The following CLNK variants were observed in gnomAD, a reference collection of about 807,000 sequenced individuals.
CLNK encodes cytokine dependent hematopoietic cell linker.
A neutral mutation model predicts 68.6 loss-of-function variants in CLNK; 74 were observed. That is an observed-to-expected ratio of 1.08 (90% CI 0.89 to 1.31). CLNK has a LOEUF of 1.31. Ranked by LOEUF, CLNK falls within the 50% of genes most tolerant of loss-of-function variation. CLNK has a pLI of 0.00. For synonymous variants in CLNK, 198 were observed against 172.2 expected (o/e 1.15, Z -1.17); for missense variants, 553 against 515.3 (o/e 1.07, Z -0.71).
At chr4:10,650,838 TAAAC>T (rs1405308385) in intron 2 of CLNK, among the ~76,000 whole-genome samples, 2 of 151,428 alleles carry the variant, frequency 1.3e-5, no homozygotes, top group African/African-American at 2.4e-5. Flanking sequence ...ACAAGGAACT[TAAAC>T]AAATTTACAA....
rs183161949 is a variant in CLNK, at chr4:10,625,468, C to T, written c.12-27419G>A. On this transcript the variant is annotated intron_variant, in intron 2 of 18. Transcript: ENST00000226951. ...GTCCCCTTAGACCCAGTGAGATCAT[C>T]AATAGACTTTGGAAATAAAGAGTGC... Among the ~76,000 whole-genome samples the T allele has an allele frequency of 2.8e-3, 421 of 152,302 alleles. 3 individuals are homozygous for T. The highest frequency in any genetic ancestry group is 0.026 in the South Asian group (127 of 4,830).
intron 3 of CLNK, among the ~76,000 whole-genome samples, chr4:10,596,791 G>C (rs1278884546): frequency 1.3e-5 from 2 of 151,988 alleles, no homozygotes; most frequent in Non-Finnish European, 2.9e-5. Flanking sequence ...ATTTGCTTCA[G>C]AAAAAAGCAC....
At chr4:10,611,736 G>A (rs1356524908) in intron 2 of CLNK, among the ~76,000 whole-genome samples, 3 of 152,156 alleles carry the variant, frequency 2.0e-5, no homozygotes, top group African/African-American at 7.2e-5. Flanking sequence ...TCCTGGGGGT[G>A]GCTCCTGCCT....
At chr4:10,605,625 C>T (rs985483940) in intron 2 of CLNK, among the ~76,000 whole-genome samples, 4 of 151,780 alleles carry the variant, frequency 2.6e-5, no homozygotes, top group Admixed American at 1.3e-4. Flanking sequence ...GTCAGGAGAT[C>T]GAGACCATCC....
At chr4:10,497,151 TCA>T (rs942899890) in intron 18 of CLNK, among the ~76,000 whole-genome samples, 1 of 152,212 alleles carries the variant, frequency 6.6e-6, no homozygotes, top group African/African-American at 2.4e-5. Context: ...TGCCTCAGTT[TCA>T]CAGTTTGTTA....
intron 3 of CLNK, among the ~76,000 whole-genome samples, chr4:10,588,552 A>G (rs17383137): frequency 0.24 from 36,337 of 152,062 alleles, 4,758 homozygotes; most frequent in African/African-American, 0.34. Flanking sequence ...TTTGGGCACT[A>G]AGATAGGTTC....
chr4:10,620,067 C>T (rs990138289), intron 2 of CLNK, among the ~76,000 whole-genome samples: 44 of 152,140 alleles, frequency 2.9e-4, no homozygotes, highest in African/African-American at 1.0e-3. Context: ...CTCTGCTCTT[C>T]ACGGCCAAGT....
At chr4:10,680,665 C>T (rs1170964653) in intron 1 of CLNK, among the ~76,000 whole-genome samples, 2 of 152,064 alleles carry the variant, frequency 1.3e-5, no homozygotes, top group African/African-American at 4.8e-5. Context: ...TACTAGTCAC[C>T]ATGATATGCA....
At chr4:10,526,454 T>C (rs1718324150) in intron 13 of CLNK, among the ~76,000 whole-genome samples, 1 of 152,222 alleles carries the variant, frequency 6.6e-6, no homozygotes, top group Non-Finnish European at 1.5e-5. Context: ...ATAAAGGAAA[T>C]AAAGTACTAC....
At chr4:10,542,126 A>G in intron 9 of CLNK, 85 bp from the exon 10 acceptor site, 2 of 1,289,326 alleles carry the variant, frequency 1.6e-6, no homozygotes, top group South Asian at 2.6e-5. Flanking sequence ...TTACAAATAG[A>G]AATTACAAAT....
chr4:10,550,062 G>T (rs1719386141), intron 8 of CLNK, among the ~76,000 whole-genome samples: 1 of 152,180 alleles, frequency 6.6e-6, no homozygotes, highest in Non-Finnish European at 1.5e-5. Context: ...GTTCTGGGAG[G>T]GTTAAAGTAA....
At position 10,553,051 on chromosome 4, in the gene CLNK, AG is replaced by A. The variant is rs11404268; in HGVS notation, c.445+5355del. Among the ~76,000 whole-genome samples, 787 of 151,408 alleles carry A rather than the reference AG, an allele frequency of 5.2e-3. 8 individuals are homozygous for A. Among genetic ancestry groups the A allele is most frequent in the African/African-American group, 0.018 (733 of 41,264 alleles). ...TCCCCCAGGGACTGGCAGGAAGAGGAGGGGGGGGCATGCAGGGGCGGAAGCA... is the reference window on the plus strand; with the variant it reads ...TCCCCCAGGGACTGGCAGGAAGAGGAGGGGGGGCATGCAGGGGCGGAAGCA... On this transcript the variant is annotated intron_variant, in intron 8 of 18. Coordinates refer to ENST00000226951, the MANE Select transcript of CLNK (RefSeq NM_052964.4).
chr4:10,531,874 C>T, intron 12 of CLNK: 1 of 470,664 alleles, frequency 2.1e-6, no homozygotes, highest in East Asian at 6.3e-5. Context: ...CATATTCCTT[C>T]TACTTTGCAT....
intron 2 of CLNK, among the ~76,000 whole-genome samples, chr4:10,623,303 A>G (rs1311028698): frequency 6.6e-6 from 1 of 152,208 alleles, no homozygotes; most frequent in Non-Finnish European, 1.5e-5. Context: ...CAGAGTATGT[A>G]AAATCAGAGA....
At chr4:10,547,695 A>G (rs562788924) in intron 8 of CLNK, among the ~76,000 whole-genome samples, 5 of 152,088 alleles carry the variant, frequency 3.3e-5, no homozygotes, top group East Asian at 3.9e-4. Context: ...CTTTGCTTCT[A>G]TGAGTTTGAC....
intron 2 of CLNK, among the ~76,000 whole-genome samples, chr4:10,611,500 A>AAAC (rs1553857357): frequency 2.7e-5 from 4 of 150,444 alleles, no homozygotes; most frequent in Non-Finnish European, 4.5e-5. Flanking sequence ...AAGTCTGAAA[A>AAAC]AAAAAAAAAA....
intron 3 of CLNK, among the ~76,000 whole-genome samples, chr4:10,591,457 C>T (rs1181577303): frequency 6.6e-6 from 1 of 152,188 alleles, no homozygotes; most frequent in African/African-American, 2.4e-5. Flanking sequence ...GGTCTGGTGC[C>T]TAACACAGTG....
intron 2 of CLNK, among the ~76,000 whole-genome samples, chr4:10,620,438 A>T (rs994175892): frequency 2.0e-5 from 3 of 152,136 alleles, no homozygotes; most frequent in Non-Finnish European, 4.4e-5. Context: ...AACAATCGTC[A>T]CTGATTTTAT....
the CLNK span, among the ~76,000 whole-genome samples, chr4:10,717,036 A>G: frequency 6.6e-6 from 1 of 150,888 alleles, no homozygotes; most frequent in South Asian, 2.1e-4. Context: ...AAAAAAAATT[A>G]TATTCCACCC....
Sources: allele counts gnomAD v4.1 joint callset (sites outside exome capture counted in the v4.1 genomes callset), GRCh38; gene constraint gnomAD v4.1.1; transcripts MANE v1.5; gene names NCBI Gene and HGNC (gene_info 2026-07-23, HGNC 2026-07-21).